Variants in NKAIN2 observed in about 807,000 individuals in gnomAD.
The protein encoded by NKAIN2 is sodium/potassium transporting ATPase interacting 2.
NKAIN2 carries 14 observed loss-of-function variants against 32.6 expected under a neutral mutation model. The ratio of observed to expected loss-of-function variants is 0.43; its 90% CI spans 0.28 to 0.67. The LOEUF (loss-of-function observed/expected upper bound fraction) is 0.67, where lower values mean the gene tolerates loss of function less well. Among genes scored for constraint, NKAIN2 ranks in the 30% least tolerant of loss-of-function variants. The pLI is 0.17. For synonymous variants in NKAIN2, 80 were observed against 87.2 expected (o/e 0.92, Z 0.46); for missense variants, 198 against 258.3 (o/e 0.77, Z 1.60).
At chr6:124,150,116 C>A (rs1184486196) in intron 1 of NKAIN2, among the ~76,000 whole-genome samples, 1 of 152,098 alleles carries the variant, frequency 6.6e-6, no homozygotes, top group African/African-American at 2.4e-5. Flanking sequence ...CTATTCTCCC[C>A]CCTGGGCTCT....
At chr6:124,595,999 G>A (rs1782073145) in intron 3 of NKAIN2, among the ~76,000 whole-genome samples, 2 of 152,112 alleles carry the variant, frequency 1.3e-5, no homozygotes, top group Non-Finnish European at 1.5e-5. Flanking sequence ...GCCGAAGAGC[G>A]ACTCTCCTCT....
chr6:124,105,263 A>T (rs1002834353), intron 1 of NKAIN2, among the ~76,000 whole-genome samples: 1 of 152,186 alleles, frequency 6.6e-6, no homozygotes, highest in Non-Finnish European at 1.5e-5. Flanking sequence ...TTTTGTGGAC[A>T]GGATGGGCTG....
chr6:123,849,973 T>TTTG lies in NKAIN2; in HGVS notation c.54+45721_54+45722insGTT, dbSNP rs1554214332. Among the ~76,000 whole-genome samples, 57 of 145,560 alleles carry TTTG rather than the reference T, an allele frequency of 3.9e-4. 2 individuals are homozygous for TTTG. Among genetic ancestry groups the TTTG allele is most frequent in the African/African-American group, 1.3e-3 (51 of 38,586 alleles). ...GGTTTTTTTTTTTTGTTTGTTTGTT[T>TTTG]TTTTTTTAACTTTCTGTGGAGATGA... On this transcript the variant is annotated intron_variant, in intron 1 of 6. Transcript: ENST00000368417.
At chr6:124,170,881 A>G (rs1158562256) in intron 1 of NKAIN2, among the ~76,000 whole-genome samples, 1 of 152,186 alleles carries the variant, frequency 6.6e-6, no homozygotes, top group Admixed American at 6.5e-5. Flanking sequence ...GACAAAATTT[A>G]TCACATTTGA....
chr6:124,025,113 A>T (rs1026600454), intron 1 of NKAIN2, among the ~76,000 whole-genome samples: 1 of 152,308 alleles, frequency 6.6e-6, no homozygotes, highest in Middle Eastern at 3.4e-3. Context: ...TGTATAGAAG[A>T]TCTAGAGTAC....
At chr6:124,353,370 G>A (rs1798819404) in intron 2 of NKAIN2, among the ~76,000 whole-genome samples, 1 of 152,170 alleles carries the variant, frequency 6.6e-6, no homozygotes, top group Non-Finnish European at 1.5e-5. Context: ...TCGGAATCAT[G>A]AGGGAGGTGA....
chr6:124,819,412 C>T (rs1004728066), intron 6 of NKAIN2, among the ~76,000 whole-genome samples: 1 of 152,108 alleles, frequency 6.6e-6, no homozygotes, highest in African/African-American at 2.4e-5. Flanking sequence ...CTTTGTGTCA[C>T]TTGTAGTTCT....
rs928531 is a variant in NKAIN2 at position 123,820,940 on chromosome 6, C to G, written c.54+16686C>G. On this transcript the variant is annotated intron_variant, in intron 1 of 6. Coordinates refer to ENST00000368417, the MANE Select transcript of NKAIN2 (RefSeq NM_001040214.3). ...TAAAATTGCAGTTTTAGGCCTCATT[C>G]AAGAAACAATTAGAATGAATATATC... 5.5e-4 allele frequency among the ~76,000 whole-genome samples: 84 copies of G among 152,206 alleles called. 2 individuals are homozygous for G. In the South Asian group the frequency reaches 0.01, roughly 18 times the overall value.
intron 1 of NKAIN2, among the ~76,000 whole-genome samples, chr6:124,224,299 A>G (rs1172046908): frequency 6.6e-6 from 1 of 152,150 alleles, no homozygotes; most frequent in Non-Finnish European, 1.5e-5. Context: ...ATTTGGTATA[A>G]TTATGATGTT....
chr6:124,647,789 G>A (rs771037040), intron 3 of NKAIN2, among the ~76,000 whole-genome samples: 2 of 152,052 alleles, frequency 1.3e-5, no homozygotes, highest in African/African-American at 2.4e-5. Context: ...AGAGAAAATC[G>A]TATTTAACCA....
intron 1 of NKAIN2, among the ~76,000 whole-genome samples, chr6:123,822,733 G>A (rs9401701): frequency 0.28 from 42,168 of 151,850 alleles, 8,367 homozygotes; most frequent in East Asian, 0.56. Context: ...CTTAGCTGCT[G>A]GAATCTGATT....
At chr6:123,805,616 C>G (rs1317847469) in intron 1 of NKAIN2, among the ~76,000 whole-genome samples, 2 of 152,070 alleles carry the variant, frequency 1.3e-5, no homozygotes, top group Non-Finnish European at 1.5e-5. Context: ...GTTTATTTTT[C>G]TGTACCACAG....
intron 3 of NKAIN2, among the ~76,000 whole-genome samples, chr6:124,536,004 A>G (rs1291657633): frequency 1.3e-5 from 2 of 152,210 alleles, no homozygotes; most frequent in East Asian, 3.9e-4. Flanking sequence ...GCAGCTAGCC[A>G]TGGCAGGTCA....
chr6:124,067,837 C>T (rs1413975643), intron 1 of NKAIN2, among the ~76,000 whole-genome samples: 1 of 152,112 alleles, frequency 6.6e-6, no homozygotes, highest in Non-Finnish European at 1.5e-5. Context: ...ATCCATTTAG[C>T]AAATATGTAT....
intron 5 of NKAIN2, among the ~76,000 whole-genome samples, chr6:124,807,075 A>T (rs1582558004): frequency 6.6e-6 from 1 of 151,752 alleles, no homozygotes; most frequent in Non-Finnish European, 1.5e-5. Flanking sequence ...CATTAGACAG[A>T]TCAACGAGAC....
chr6:123,908,988 CTA>C (rs775912016), intron 1 of NKAIN2, among the ~76,000 whole-genome samples: 41 of 152,166 alleles, frequency 2.7e-4, no homozygotes, highest in Non-Finnish European at 4.9e-4. Context: ...CTTACAGAAA[CTA>C]TGTCAGAAAT....
chr6:124,041,169 A>G (rs1446847505), intron 1 of NKAIN2, among the ~76,000 whole-genome samples: 1 of 151,992 alleles, frequency 6.6e-6, no homozygotes, highest in East Asian at 1.9e-4. Flanking sequence ...GGTTATTGCA[A>G]TATCTATTGA....
At position 124,002,970 on chromosome 6, in the gene NKAIN2, G is replaced by A. The variant is rs142179050; in HGVS notation, c.54+198716G>A. ...AACACAAGGATGACTGGCTCCATTT[G>A]GAGCATTGTGTTAGCCAAGCAGGTA... On this transcript the variant is annotated intron_variant, in intron 1 of 6. Coordinates refer to ENST00000368417, the MANE Select transcript of NKAIN2 (RefSeq NM_001040214.3). 1.4e-3 allele frequency among the ~76,000 whole-genome samples: 212 copies of A among 152,232 alleles called. 1 individual carries two copies. The highest frequency in any genetic ancestry group is 4.9e-3 in the African/African-American group (204 of 41,548).
intron 1 of NKAIN2, among the ~76,000 whole-genome samples, chr6:124,277,428 CGTGTGTGT>C (rs56300244): frequency 0.075 from 10,842 of 145,280 alleles, 557 homozygotes; most frequent in African/African-American, 0.14. Flanking sequence ...GTCTGTGTGT[CGTGTGTGT>C]GTGTGTGTGT....
Sources: allele counts gnomAD v4.1 joint callset (sites outside exome capture counted in the v4.1 genomes callset), GRCh38; gene constraint gnomAD v4.1.1; transcripts MANE v1.5; gene names NCBI Gene and HGNC (gene_info 2026-07-23, HGNC 2026-07-21).